Variants in SAP130 observed in about 807,000 individuals in gnomAD.
SAP130 encodes the protein histone deacetylase complex subunit SAP130.
Under a neutral mutation model 103.2 loss-of-function variants are expected in SAP130, and 16 were observed. The observed-to-expected ratio is 0.16, with a 90% CI of 0.10 to 0.24. The LOEUF (loss-of-function observed/expected upper bound fraction) is 0.24, where lower values mean the gene tolerates loss of function less well. Ranked by LOEUF, SAP130 falls within the 10% of genes least tolerant of loss-of-function variation. The probability of loss-of-function intolerance (pLI) is 1.00; values close to 1 mark genes in which losing one functional copy is unlikely to be tolerated. For missense variants in SAP130, 990 were observed against 1,359.7 expected (o/e 0.73, Z 4.28); for synonymous variants, 477 against 497.0 (o/e 0.96, Z 0.53).
At chr2:128,005,936 T>G (rs964156736) in intron 7 of SAP130, among the ~76,000 whole-genome samples, 1 of 152,174 alleles carries the variant, frequency 6.6e-6, no homozygotes, top group African/African-American at 2.4e-5. Flanking sequence ...GGCCAATGAA[T>G]AGTTTTATGC....
chr2:128,002,993 AC>A (rs1559087468), intron 7 of SAP130, among the ~76,000 whole-genome samples: 1 of 151,988 alleles, frequency 6.6e-6, no homozygotes. Flanking sequence ...TGGGCATGGC[AC>A]CACACACCTG....
At chr2:127,976,834 T>C (rs537075582) in intron 15 of SAP130, among the ~76,000 whole-genome samples, 2 of 152,208 alleles carry the variant, frequency 1.3e-5, no homozygotes, top group East Asian at 1.9e-4. Context: ...TACTTGAACC[T>C]GGGAGGCGGA....
At chr2:128,010,194 A>G in intron 7 of SAP130, 75 bp downstream of exon 7, 1 of 1,490,992 alleles carries the variant, frequency 6.7e-7, no homozygotes, top group Admixed American at 2.1e-5. Context: ...ATTTACTTAA[A>G]TGAAGGAACG....
chr2:127,996,382 A>G lies in SAP130; in HGVS notation c.1323T>C (p.Asn441=), dbSNP rs1162590543. Residue 441 remains asparagine, a synonymous_variant, in exon 11 of 21, where the codon AAT becomes AAC. Coordinates refer to ENST00000643581, the MANE Select transcript of SAP130 (RefSeq NM_001330301.2). This position sits in a 1 kb window ranked among gnomAD's most constrained non-coding sequence, Gnocchi z 4.3. The part of the protein sequence containing the change: ...IPISGHRASP[N]PVAMETRSDN... ...CACTTCGGGTTTCCATGGCCACAGGATTGGGAGAGGCCCGATGTCCGGAGA... is the reference window on the plus strand; with the variant it reads ...CACTTCGGGTTTCCATGGCCACAGGGTTGGGAGAGGCCCGATGTCCGGAGA... The G allele has an allele frequency of 1.9e-6, 3 of 1,611,354 alleles. No individual in the cohort carries two copies. The highest frequency in any genetic ancestry group is 2.5e-6 in the Non-Finnish European group (3 of 1,178,824).
At chr2:127,994,739 C>G (rs987956870) in intron 11 of SAP130, among the ~76,000 whole-genome samples, 1 of 152,174 alleles carries the variant, frequency 6.6e-6, no homozygotes, top group Non-Finnish European at 1.5e-5. Flanking sequence ...GCCTGGGCAA[C>G]AGAGCAAGAT....
chr2:128,027,276 G>T (rs1685581798), intron 1 of SAP130: 10 of 1,153,442 alleles, frequency 8.7e-6, no homozygotes, highest in Non-Finnish European at 9.6e-6. Flanking sequence ...CCCGGCCGCC[G>T]CTGTGCTCGC....
At chr2:128,027,150 C>A (rs1304924665) in intron 1 of SAP130, 4 of 1,347,966 alleles carry the variant, frequency 3.0e-6, no homozygotes, top group Non-Finnish European at 1.9e-6. Flanking sequence ...CTGGGGGTGC[C>A]GCGGAGGGCC....
intron 15 of SAP130, among the ~76,000 whole-genome samples, chr2:127,971,587 A>G (rs1451303819): frequency 6.6e-6 from 1 of 151,718 alleles, no homozygotes; most frequent in African/African-American, 2.4e-5. Context: ...GTGCCCCGCC[A>G]CCCACTTTCT....
intron 2 of SAP130, among the ~76,000 whole-genome samples, chr2:128,020,714 T>C (rs1206099478): frequency 6.6e-6 from 1 of 152,100 alleles, no homozygotes; most frequent in Non-Finnish European, 1.5e-5. Flanking sequence ...AAAGGTGAAA[T>C]GGGGCCGGGC....
At chr2:128,018,584 G>C (rs140937824) in intron 2 of SAP130, among the ~76,000 whole-genome samples, 1 of 151,596 alleles carries the variant, frequency 6.6e-6, no homozygotes, top group Non-Finnish European at 1.5e-5. Context: ...TTGAACCCAG[G>C]AGTTCAAGAC....
At chr2:127,978,446 A>G (rs1464675339) in intron 14 of SAP130, among the ~76,000 whole-genome samples, 2 of 152,128 alleles carry the variant, frequency 1.3e-5, no homozygotes, top group Non-Finnish European at 2.9e-5. Context: ...AAGTGTTTAC[A>G]ATTATTATTA....
chr2:127,965,123 T>C (rs1326454436), intron 15 of SAP130, among the ~76,000 whole-genome samples: 1 of 151,888 alleles, frequency 6.6e-6, no homozygotes, highest in Admixed American at 6.6e-5. Flanking sequence ...GGTAAAACCC[T>C]GTCTCTACTA....
Position 127,955,046 on chromosome 2 carries a change from C to T in SAP130, c.2362G>A (p.Val788Ile), listed in dbSNP as rs142112282. The change falls in exon 16 of 21, where the codon GTT becomes ATT. Residue 788 changes from valine to isoleucine, a missense_variant. Transcript: ENST00000643581. This position sits in a 1 kb window ranked among gnomAD's most constrained non-coding sequence, Gnocchi z 4.9. ...TCTTCTTTCACTTTAATTTCAGGAA[C>T]GGGAGGGCCCAAGACGGAGGAAAGA... ...GSLSSVLGPPVPEIKVKEEVE... is the reference protein window; with the variant it reads ...GSLSSVLGPPIPEIKVKEEVE... The T allele has an allele frequency of 2.6e-5, 42 of 1,613,688 alleles. No individual in the cohort carries two copies. Among genetic ancestry groups the T allele is most frequent in the East Asian group, 1.1e-4 (5 of 44,888 alleles).
chr2:127,990,439 AT>A (rs1394127708), intron 12 of SAP130, among the ~76,000 whole-genome samples: 2 of 152,222 alleles, frequency 1.3e-5, no homozygotes, highest in African/African-American at 4.8e-5. Context: ...TGGAAAGAAA[AT>A]AAACACAGAG....
At position 127,954,381 on chromosome 2, in the gene SAP130, TCA is replaced by T. The variant is rs149779016; in HGVS notation, c.2422+603_2422+604del. ...TTTCTTCTTTGGATTTGTTTATACT[TCA>T]CACAGTTTGTATACTGAATATGTTA... On this transcript the variant is annotated intron_variant, in intron 16 of 20. Coordinates refer to ENST00000643581, the MANE Select transcript of SAP130 (RefSeq NM_001330301.2). Among the ~76,000 whole-genome samples, 859 of 152,210 alleles carry T rather than the reference TCA, an allele frequency of 5.6e-3. 9 individuals carry two copies. The highest frequency in any genetic ancestry group is 0.02 in the African/African-American group (821 of 41,526).
Position 127,947,503 on chromosome 2 carries a change from C to T in SAP130, c.2798-1944G>A, listed in dbSNP as rs139363219. ...TGATCTGTCATTTTCTATATTTGTA[C>T]ACTCTGTCTGGTGTTGATAGCATGA... is the stretch of plus-strand genomic sequence containing the variant. On this transcript the variant is annotated intron_variant, in intron 18 of 20. Coordinates refer to ENST00000643581, the MANE Select transcript of SAP130 (RefSeq NM_001330301.2). Among the ~76,000 whole-genome samples, 8 of 152,236 alleles carry T rather than the reference C, an allele frequency of 5.3e-5. No homozygotes were observed. The East Asian group carries it at 1.4e-3, about 26-fold the overall frequency.
intron 15 of SAP130, among the ~76,000 whole-genome samples, chr2:127,975,617 C>A (rs1180777216): frequency 6.6e-6 from 1 of 152,076 alleles, no homozygotes. Flanking sequence ...AGCTGTCACA[C>A]TGAAAGAAAA....
intron 15 of SAP130, among the ~76,000 whole-genome samples, chr2:127,967,142 T>C (rs967910049): frequency 1.3e-5 from 2 of 152,192 alleles, no homozygotes; most frequent in African/African-American, 4.8e-5. Context: ...TTAAAGGGCA[T>C]AAAGTTTCAG....
At chr2:127,959,112 C>T (rs1046263754) in intron 15 of SAP130, among the ~76,000 whole-genome samples, 5 of 152,028 alleles carry the variant, frequency 3.3e-5, no homozygotes, top group African/African-American at 7.2e-5. Flanking sequence ...CCAAGCACAA[C>T]GAGCTGCTGA....
Sources: gnomAD v4.1 joint callset for allele counts (sites outside exome capture counted in the v4.1 genomes callset) on GRCh38, gnomAD v4.1.1 for gene constraint, Gnocchi (gnomAD v3.1) non-coding constraint, MANE v1.5 for transcripts, NCBI Gene and HGNC (gene_info 2026-07-23, HGNC 2026-07-21) for gene names.